Variants in PCDHA8 observed in about 807,000 individuals in gnomAD.
The protein encoded by PCDHA8 is protocadherin alpha 8.
A neutral mutation model predicts 61.8 loss-of-function variants in PCDHA8; 53 were observed. The ratio of observed to expected loss-of-function variants is 0.86; its 90% CI spans 0.69 to 1.08. The LOEUF is 1.08. Among genes scored for constraint, PCDHA8 ranks in the 50% least tolerant of loss-of-function variants. The pLI is 0.00. For missense variants in PCDHA8, 1,293 were observed against 1,245.0 expected (o/e 1.04, Z -0.58); for synonymous variants, 618 against 556.6 (o/e 1.11, Z -1.55).
intron 2 of PCDHA8, among the ~76,000 whole-genome samples, chr5:140,980,721 A>G (rs1219290542): frequency 3.9e-5 from 6 of 152,202 alleles, no homozygotes; most frequent in African/African-American, 1.2e-4. Flanking sequence ...TTCGGGTTTC[A>G]ATTAAGATAT....
At chr5:140,927,994 G>C in intron 1 of PCDHA8, 1 of 1,614,180 alleles carries the variant, frequency 6.2e-7, no homozygotes, top group Non-Finnish European at 8.5e-7. Flanking sequence ...AAAGGATGAA[G>C]ACCTCGATTC....
At chr5:140,981,284 G>A (rs1554242765) in intron 2 of PCDHA8, among the ~76,000 whole-genome samples, 4 of 152,094 alleles carry the variant, frequency 2.6e-5, no homozygotes, top group Non-Finnish European at 5.9e-5. Context: ...GTTTAAAAGG[G>A]TCCTCTAGTC....
chr5:140,869,570 G>A, intron 1 of PCDHA8: 1 of 1,614,148 alleles, frequency 6.2e-7, no homozygotes. Flanking sequence ...CCACTAGAGG[G>A]AGCTTCTGAT....
chr5:140,907,235 T>C, intron 1 of PCDHA8, among the ~76,000 whole-genome samples: 1 of 152,234 alleles, frequency 6.6e-6, no homozygotes, highest in East Asian at 1.9e-4. Context: ...TGTCACCTAG[T>C]TGACATTGTA....
At chr5:140,983,885 T>C (rs74936593) in intron 3 of PCDHA8, among the ~76,000 whole-genome samples, 2,965 of 152,290 alleles carry the variant, frequency 0.019, 72 homozygotes, top group African/African-American at 0.056. Flanking sequence ...ACTGGCAACT[T>C]TAAGGGCATT....
intron 3 of PCDHA8, among the ~76,000 whole-genome samples, chr5:141,007,259 G>A (rs2098311634): frequency 6.6e-6 from 1 of 151,998 alleles, no homozygotes; most frequent in Non-Finnish European, 1.5e-5. Flanking sequence ...GTTAAAAGAA[G>A]CAGATACAGG....
chr5:140,853,887 A>T lies in PCDHA8; in HGVS notation c.2394+10172A>T, dbSNP rs945674058. ...TGACAGTGCAAGTTTCTGTAATTTAAAAAGATGTGGTGGCCTGACACCTGC... is the reference window on the plus strand; with the variant it reads ...TGACAGTGCAAGTTTCTGTAATTTATAAAGATGTGGTGGCCTGACACCTGC... On this transcript the variant is annotated intron_variant, in intron 1 of 3. Transcript: ENST00000531613. 4 of 979,374 alleles carry T rather than the reference A, an allele frequency of 4.1e-6. 1 individual carries two copies. The Admixed American group carries it at 1.9e-4, about 46-fold the overall frequency. 60.7% of individuals were successfully genotyped at this position (979,374 alleles called of 1,614,324 possible).
At chr5:140,857,856 A>G in intron 1 of PCDHA8, 1 of 1,597,730 alleles carries the variant, frequency 6.3e-7, no homozygotes, top group Non-Finnish European at 8.6e-7. Context: ...TCTGGATACA[A>G]CGCGTGGCTG....
chr5:140,974,182 A>G (rs2096618692), intron 1 of PCDHA8, among the ~76,000 whole-genome samples: 1 of 152,248 alleles, frequency 6.6e-6, no homozygotes, highest in Non-Finnish European at 1.5e-5. Context: ...AACTTGACAA[A>G]TGCAAAGGAA....
intron 1 of PCDHA8, among the ~76,000 whole-genome samples, chr5:140,937,927 A>T (rs1376744977): frequency 1.3e-5 from 2 of 149,332 alleles, no homozygotes; most frequent in East Asian, 2.0e-4. Context: ...AAAAAAAAAA[A>T]GTTTAATTTG....
At chr5:140,962,203 C>T (rs1431150597) in intron 1 of PCDHA8, among the ~76,000 whole-genome samples, 1 of 152,086 alleles carries the variant, frequency 6.6e-6, no homozygotes, top group African/African-American at 2.4e-5. Flanking sequence ...CTTCCTATCT[C>T]CTTATTGATC....
intron 3 of PCDHA8, among the ~76,000 whole-genome samples, chr5:140,994,578 A>C (rs1563601392): frequency 6.6e-6 from 1 of 151,958 alleles, no homozygotes; most frequent in Non-Finnish European, 1.5e-5. Context: ...GGTGGCATGC[A>C]CTTGTAGTCT....
intron 1 of PCDHA8, among the ~76,000 whole-genome samples, chr5:140,924,926 TAAAATAAAATAAAAA>T (rs1425116753): frequency 8.4e-6 from 1 of 119,430 alleles, no homozygotes; most frequent in Non-Finnish European, 1.8e-5. Flanking sequence ...TAAAATAAAA[TAAAATAAAATAAAAA>T]GTTAAAAAAA....
intron 1 of PCDHA8, among the ~76,000 whole-genome samples, chr5:140,917,167 ATGG>A (rs1237150759): frequency 6.6e-6 from 1 of 152,160 alleles, no homozygotes; most frequent in African/African-American, 2.4e-5. Flanking sequence ...GGGAGGGGTG[ATGG>A]TGGTGATCCC....
At chr5:140,966,806 C>T in intron 1 of PCDHA8, 1 of 1,546,832 alleles carries the variant, frequency 6.5e-7, no homozygotes, top group Non-Finnish European at 8.7e-7. Context: ...GACAGAGCAT[C>T]CACGGCTCCG....
At chr5:140,884,310 GGGCGTC>G (rs1301213144) in intron 1 of PCDHA8, 7 of 1,613,674 alleles carry the variant, frequency 4.3e-6, no homozygotes, top group Non-Finnish European at 5.9e-6. Flanking sequence ...GCTTCGTCGA[GGGCGTC>G]GGCAGGCGCT....
rs374506056 is a variant in PCDHA8, at chr5:140,858,272, G to T, written c.2394+14557G>T. 1.3e-4 allele frequency: 201 copies of T among 1,597,346 alleles called. 14 individuals carry two copies. In the African/African-American group the frequency reaches 2.1e-3, roughly 17 times the overall value. On this transcript the variant is annotated intron_variant, in intron 1 of 3. Transcript: ENST00000531613. The stretch of plus-strand genomic sequence containing the variant: ...GAAGCCCACGCTGGTGTGCTCTAGC[G>T]CGGTGGGGAGCTGGTCTTACTCGCA...
chr5:140,941,185 C>CT (rs782102770), intron 1 of PCDHA8, among the ~76,000 whole-genome samples: 18 of 102,242 alleles, frequency 1.8e-4, no homozygotes, highest in East Asian at 3.7e-4. Flanking sequence ...CATCCTGCTT[C>CT]TTTTTTTTTC....
At chr5:140,865,102 A>G (rs1251688673) in intron 1 of PCDHA8, 2 of 152,206 alleles carry the variant, frequency 1.3e-5, no homozygotes, top group Non-Finnish European at 2.9e-5. Context: ...AGGCACTTCC[A>G]CTTGACAATT....
Sources: gnomAD v4.1 joint callset for allele counts (sites outside exome capture counted in the v4.1 genomes callset) on GRCh38, gnomAD v4.1.1 for gene constraint, MANE v1.5 for transcripts, NCBI Gene and HGNC (gene_info 2026-07-23, HGNC 2026-07-21) for gene names.